The following SLC18A1 variants were observed in gnomAD, a reference collection of about 807,000 sequenced individuals.
SLC18A1 encodes the protein chromaffin granule amine transporter.
Under a neutral mutation model 53.7 loss-of-function variants are expected in SLC18A1, and 69 were observed. That is an observed-to-expected ratio of 1.28 (90% CI 1.06 to 1.57). SLC18A1 has a LOEUF of 1.57. Ranked by LOEUF, SLC18A1 falls within the 40% of genes most tolerant of loss-of-function variation. The probability of loss-of-function intolerance (pLI) is 0.00; values close to 1 mark genes in which losing one functional copy is unlikely to be tolerated. For synonymous variants in SLC18A1, 320 were observed against 248.1 expected, an observed-to-expected ratio of 1.29 and a Z score of -2.72; for missense variants, 932 against 668.1, an observed-to-expected ratio of 1.40 and a Z score of -4.35.
intron 15 of SLC18A1, among the ~76,000 whole-genome samples, chr8:20,146,542 T>C (rs1273428620): frequency 1.3e-5 from 2 of 152,202 alleles, no homozygotes; most frequent in Admixed American, 6.5e-5. Flanking sequence ...ATGTTTGTGC[T>C]GCAGTAAGAG....
intron 8 of SLC18A1, among the ~76,000 whole-genome samples, chr8:20,169,130 AC>A (rs1358237586): frequency 6.6e-6 from 1 of 152,176 alleles, no homozygotes; most frequent in African/African-American, 2.4e-5. Flanking sequence ...GGCATTAAAT[AC>A]CTCCAGACAT....
intron 10 of SLC18A1, among the ~76,000 whole-genome samples, chr8:20,162,955 C>G (rs146363070): frequency 1.3e-5 from 2 of 152,318 alleles, no homozygotes; most frequent in African/African-American, 2.4e-5. Flanking sequence ...TTTGTTATAG[C>G]AGCAGCCCGG....
chr8:20,179,967 C>A (rs530100597), intron 2 of SLC18A1, among the ~76,000 whole-genome samples: 1 of 152,160 alleles, frequency 6.6e-6, no homozygotes, highest in Non-Finnish European at 1.5e-5. Flanking sequence ...AGCTCTGGGA[C>A]CCCTGGACAG....
intron 10 of SLC18A1, among the ~76,000 whole-genome samples, chr8:20,158,228 C>G (rs1304064653): frequency 1.3e-5 from 2 of 152,172 alleles, no homozygotes; most frequent in Non-Finnish European, 2.9e-5. Flanking sequence ...CAACTGTCCT[C>G]CAGATCTGTC....
intron 3 of SLC18A1, 25 bp from the exon 4 acceptor site, chr8:20,178,518 A>AAG: frequency 6.4e-7 from 1 of 1,563,174 alleles, no homozygotes; most frequent in Non-Finnish European, 8.7e-7. Context: ...AAAAAAAAAA[A>AAG]GATACAATTC....
At chr8:20,175,415 T>G (rs2072231061) in intron 4 of SLC18A1, 1 of 152,212 alleles carries the variant, frequency 6.6e-6, no homozygotes, top group South Asian at 2.1e-4. Context: ...ATAAGAGTAT[T>G]GATAATTGGG....
At chr8:20,166,821 G>T (rs997914313) in intron 8 of SLC18A1, among the ~76,000 whole-genome samples, 2 of 152,046 alleles carry the variant, frequency 1.3e-5, no homozygotes, top group African/African-American at 4.8e-5. Context: ...TAAGAGTGGG[G>T]GCTCTAATCT....
At chr8:20,166,337 C>A (rs2071964640) in intron 8 of SLC18A1, among the ~76,000 whole-genome samples, 1 of 98,156 alleles carries the variant, frequency 1.0e-5, no homozygotes, top group African/African-American at 3.7e-5. Context: ...ATATACACCA[C>A]CAGGTGGAAA....
chr8:20,152,125 G>A (rs1011885988), intron 10 of SLC18A1, among the ~76,000 whole-genome samples: 44 of 152,208 alleles, frequency 2.9e-4, no homozygotes, highest in African/African-American at 7.5e-4. Flanking sequence ...AGCACTTCAA[G>A]CAGAAAATAA....
intron 14 of SLC18A1, 93 bp from the exon 15 acceptor site, chr8:20,147,484 C>T: frequency 1.3e-6 from 2 of 1,568,846 alleles, no homozygotes; most frequent in Non-Finnish European, 1.7e-6. Flanking sequence ...AGTGGGTGAC[C>T]CAGAGGATGT....
chr8:20,152,825 T>C (rs1007736206), intron 10 of SLC18A1, among the ~76,000 whole-genome samples: 16 of 151,234 alleles, frequency 1.1e-4, no homozygotes, highest in African/African-American at 3.9e-4. Context: ...ATGAAGTAGG[T>C]GAGGGGAGAT....
At chr8:20,147,422 C>T in intron 14 of SLC18A1, 31 bp from the exon 15 acceptor site, 1 of 1,592,066 alleles carries the variant, frequency 6.3e-7, no homozygotes, top group Admixed American at 1.7e-5. Context: ...TCATAAGTGT[C>T]TATGGAGCCT....
rs796644597 is a variant in SLC18A1, at chr8:20,148,416, T to C, written c.1147-346A>G. ...TCCCCTTCCTCTACCCCTCTTCACC[T>C]AAACATACACTCCTGGTCTCATTCT... On this transcript the variant is annotated intron_variant, in intron 12 of 15. Coordinates refer to ENST00000276373, the MANE Select transcript of SLC18A1 (RefSeq NM_003053.4). 4.7e-6 allele frequency: 6 copies of C among 1,280,892 alleles called. No homozygotes were observed. The African/African-American group carries it at 7.6e-5, about 16-fold the overall frequency. 79.3% of individuals were successfully genotyped at this position (1,280,892 alleles called of 1,614,324 possible). A position where few individuals can be genotyped will look rare whatever the true frequency, so the allele number is the denominator to read the frequency against.
chr8:20,179,120 C>T lies in SLC18A1; in HGVS notation c.488+1G>A. Reference sequence around the variant, plus strand: ...GCGGGGCACTGCACCCAGTGAGATACCTGTTGGTGAGAGGGCCCACGAATG... The same window carrying T: ...GCGGGGCACTGCACCCAGTGAGATATCTGTTGGTGAGAGGGCCCACGAATG... On this transcript the variant is annotated splice_donor_variant, in intron 3 of 15. Transcript: ENST00000276373. LOFTEE classifies it high-confidence loss of function. 4.4e-6 allele frequency: 7 copies of T among 1,608,304 alleles called. No homozygotes were observed. The highest frequency in any genetic ancestry group is 6.0e-6 in the Non-Finnish European group (7 of 1,176,462).
rs2071367066 is a variant in SLC18A1 at position 20,145,325 on chromosome 8, C to T, written c.*438G>A. The T allele has an allele frequency of 6.5e-6, 1 of 153,088 alleles. No individual in the cohort carries two copies. Among genetic ancestry groups the T allele is most frequent in the South Asian group, 2.1e-4 (1 of 4,818 alleles). 9.5% of individuals were successfully genotyped at this position (153,088 alleles called of 1,614,324 possible). On this transcript the variant is annotated 3_prime_UTR_variant, in exon 16 of 16. Transcript: ENST00000276373. ...TCGGCTGGGAAAACCCGGGAAAGAA[C>T]ACGTTGAGGAAAAGAGGGTAACACT...
intron 1 of SLC18A1, among the ~76,000 whole-genome samples, 150 bp downstream of exon 1, chr8:20,182,911 AAC>A (rs1418388328): frequency 6.6e-6 from 1 of 152,236 alleles, no homozygotes; most frequent in Non-Finnish European, 1.5e-5. Context: ...AAGAGAGAGA[AAC>A]ACACACACCC....
In SLC18A1 at chr8:20,150,667, G is replaced by T. The variant is rs138845247; in HGVS notation, c.1093C>A (p.Arg365=). The change falls in exon 11 of 16, where the codon CGG becomes AGG. Residue 365 remains arginine (R), a splice_region_variant and synonymous_variant. Transcript: ENST00000276373. ...LFGVLANKMG[R]WLCSLIGMLV... is the part of the protein sequence containing the mutation. Reference sequence around the variant, plus strand: ...GTCCCAGATCCCGAGGCTACATACCGACCCATCTTGTTGGCCAACACACCA... The same window carrying T: ...GTCCCAGATCCCGAGGCTACATACCTACCCATCTTGTTGGCCAACACACCA... 2.5e-6 allele frequency: 4 copies of T among 1,613,702 alleles called. No homozygotes were observed. The highest frequency in any genetic ancestry group is 3.4e-6 in the Non-Finnish European group (4 of 1,179,688).
intron 8 of SLC18A1, among the ~76,000 whole-genome samples, chr8:20,166,356 G>C: frequency 7.7e-6 from 1 of 129,852 alleles, no homozygotes; most frequent in Non-Finnish European, 1.6e-5. Flanking sequence ...AAATAATAAG[G>C]AAAGATTCTG....
intron 8 of SLC18A1, 66 bp downstream of exon 8, chr8:20,171,037 A>G: frequency 1.3e-6 from 2 of 1,497,444 alleles, no homozygotes; most frequent in Admixed American, 1.7e-5. Flanking sequence ...TTTGGCAGGC[A>G]TGCCTGGGTT....
Sources: allele counts gnomAD v4.1 joint callset (sites outside exome capture counted in the v4.1 genomes callset), GRCh38; gene constraint gnomAD v4.1.1; transcripts MANE v1.5; gene names NCBI Gene and HGNC (gene_info 2026-07-23, HGNC 2026-07-21).